The following CELF2 variants were observed in gnomAD, a reference collection of about 807,000 sequenced individuals.
The protein encoded by CELF2 is CUG triplet repeat RNA-binding protein 2.
Under a neutral mutation model 62.6 loss-of-function variants are expected in CELF2, and 8 were observed. That is an observed-to-expected ratio of 0.13 (90% confidence interval 0.07 to 0.23). The LOEUF (loss-of-function observed/expected upper bound fraction) is 0.23, where lower values mean the gene tolerates loss of function less well. Ranked by LOEUF, CELF2 falls within the 10% of genes least tolerant of loss-of-function variation. CELF2 has a pLI of 1.00. For missense variants in CELF2, 333 were observed against 671.0 expected, an observed-to-expected ratio of 0.50 and a Z score of 5.56; for synonymous variants, 258 against 250.0, an observed-to-expected ratio of 1.03 and a Z score of -0.30.
chr10:10,467,082 C>A, the CELF2 span, among the ~76,000 whole-genome samples: 98 of 152,008 alleles, frequency 6.4e-4, no homozygotes, highest in African/African-American at 2.3e-3. Flanking sequence ...ACCAACATAC[C>A]ACAATATACC....
chr10:10,703,878 C>G, the CELF2 span, among the ~76,000 whole-genome samples: 1 of 152,170 alleles, frequency 6.6e-6, no homozygotes, highest in South Asian at 2.1e-4. Context: ...GAACCCTAAT[C>G]AATACAGCAG....
intron 1 of CELF2, among the ~76,000 whole-genome samples, chr10:10,829,976 G>A (rs940421719): frequency 6.6e-6 from 1 of 151,686 alleles, no homozygotes; most frequent in African/African-American, 2.4e-5. Context: ...AACCCCCCTG[G>A]CCAAGTTCTC....
At chr10:11,198,257 C>G (rs1264767183) in intron 2 of CELF2, among the ~76,000 whole-genome samples, 1 of 152,200 alleles carries the variant, frequency 6.6e-6, no homozygotes, top group Non-Finnish European at 1.5e-5. Flanking sequence ...AATAATTATT[C>G]TGCTGTCCTT....
At chr10:10,963,011 TTTG>T (rs2049707054) in intron 2 of CELF2, among the ~76,000 whole-genome samples, 1 of 127,300 alleles carries the variant, frequency 7.9e-6, no homozygotes, top group Admixed American at 7.5e-5. Context: ...TTTGTTTTGT[TTTG>T]TTTTGTTTTG....
chr10:10,911,539 G>A (rs2063809655), intron 1 of CELF2, among the ~76,000 whole-genome samples: 2 of 152,174 alleles, frequency 1.3e-5, no homozygotes, highest in Admixed American at 1.3e-4. Flanking sequence ...AGATGGAAGT[G>A]GCTCGTTCCA....
In CELF2 at chr10:10,938,456, G is replaced by A. The variant is rs138885213; in HGVS notation, c.89+18457G>A. On this transcript the variant is annotated intron_variant, in intron 2 of 13. Transcript: ENST00000636488. This position sits in a 1 kb window ranked among gnomAD's most constrained non-coding sequence, Gnocchi z 4.2. Reference sequence around the variant, plus strand: ...TGGGTTTTTGTGTCCTTCAAATTTCGTTTGAATGAACATTTTATGGATTTT... The same window carrying A: ...TGGGTTTTTGTGTCCTTCAAATTTCATTTGAATGAACATTTTATGGATTTT... Among the ~76,000 whole-genome samples, 571 of 152,252 alleles carry A rather than the reference G, an allele frequency of 3.8e-3. 4 individuals carry two copies. Among genetic ancestry groups the A allele is most frequent in the African/African-American group, 0.013 (538 of 41,550 alleles).
chr10:10,467,289 A>AT, the CELF2 span, among the ~76,000 whole-genome samples: 2 of 151,948 alleles, frequency 1.3e-5, no homozygotes, highest in Non-Finnish European at 2.9e-5. Flanking sequence ...CCAAGGGTCA[A>AT]TTTTTTTGTC....
chr10:10,597,233 G>A, the CELF2 span, among the ~76,000 whole-genome samples: 1 of 152,222 alleles, frequency 6.6e-6, no homozygotes, highest in Admixed American at 6.5e-5. Flanking sequence ...GAGGCCCAAT[G>A]AGTTAGAGAA....
chr10:10,495,047 C>T, the CELF2 span, among the ~76,000 whole-genome samples: 14 of 152,068 alleles, frequency 9.2e-5, no homozygotes, highest in East Asian at 2.1e-3. Context: ...GAGGCCGAGG[C>T]GGGCAGATCA....
At chr10:10,992,436 T>C (rs2053537576) in intron 2 of CELF2, among the ~76,000 whole-genome samples, 1 of 152,194 alleles carries the variant, frequency 6.6e-6, no homozygotes, top group Admixed American at 6.5e-5. Context: ...GCAAGTGGCA[T>C]TATCAAGCCC....
At chr10:10,894,088 AG>A (rs1000509184) in intron 1 of CELF2, among the ~76,000 whole-genome samples, 1 of 152,168 alleles carries the variant, frequency 6.6e-6, no homozygotes, top group Admixed American at 6.5e-5. Context: ...CAACAAAAAA[AG>A]TTTTTAACCT....
chr10:10,916,618 T>A (rs887458683), intron 1 of CELF2, among the ~76,000 whole-genome samples: 1 of 152,206 alleles, frequency 6.6e-6, no homozygotes, highest in Non-Finnish European at 1.5e-5. Context: ...TCTTTTGTTG[T>A]TGTTGTTGTT....
chr10:11,033,604 G>C (rs758338488), intron 1 of CELF2, among the ~76,000 whole-genome samples: 2 of 152,186 alleles, frequency 1.3e-5, no homozygotes. Flanking sequence ...CTGACTAACT[G>C]CCTGGGCTTT....
chr10:10,512,421 T>TG, the CELF2 span, among the ~76,000 whole-genome samples: 1 of 149,438 alleles, frequency 6.7e-6, no homozygotes, highest in Non-Finnish European at 1.5e-5. Flanking sequence ...TTTTTTTTTT[T>TG]TTTGAGACAG....
At chr10:10,475,121 A>G in the CELF2 span, among the ~76,000 whole-genome samples, 1 of 152,152 alleles carries the variant, frequency 6.6e-6, no homozygotes, top group Non-Finnish European at 1.5e-5. Flanking sequence ...TATGTGGAAC[A>G]ATTCCCTACT....
intron 1 of CELF2, among the ~76,000 whole-genome samples, chr10:10,908,262 G>C (rs985170618): frequency 8.7e-6 from 1 of 114,330 alleles, no homozygotes; most frequent in Non-Finnish European, 1.6e-5. Context: ...CTCTGTCGCC[G>C]AGGCTGGAGT....
chr10:10,747,660 C>T, the CELF2 span, among the ~76,000 whole-genome samples: 278 of 152,222 alleles, frequency 1.8e-3, no homozygotes, highest in African/African-American at 6.5e-3. Flanking sequence ...TGGCAGGGGA[C>T]AGCCAGGGAG....
chr10:10,681,904 C>T, the CELF2 span, among the ~76,000 whole-genome samples: 1 of 152,190 alleles, frequency 6.6e-6, no homozygotes, highest in Admixed American at 6.5e-5. Context: ...CATAAAAAAG[C>T]TTACGTGTAG....
rs762001983 is a variant in CELF2 at position 11,325,983 on chromosome 10, T to A, written c.1438+4T>A. ...ACCAATCTGAGCAAGTGCTTTGGTATGCAAAAGAAACTAAGCTAGTATATT... is the reference window on the plus strand; with the variant it reads ...ACCAATCTGAGCAAGTGCTTTGGTAAGCAAAAGAAACTAAGCTAGTATATT... On this transcript the variant is annotated splice_donor_region_variant and intron_variant, in intron 12 of 12. Coordinates refer to ENST00000633077, the MANE Select transcript of CELF2 (RefSeq NM_001326342.2). 2 of 1,609,070 alleles carry A rather than the reference T, an allele frequency of 1.2e-6. No homozygotes were observed. The highest frequency in any genetic ancestry group is 4.5e-5 in the East Asian group (2 of 44,844).
Sources: gnomAD v4.1 joint callset for allele counts (sites outside exome capture counted in the v4.1 genomes callset) on GRCh38, gnomAD v4.1.1 for gene constraint, Gnocchi (gnomAD v3.1) non-coding constraint, MANE v1.5 for transcripts, NCBI Gene and HGNC (gene_info 2026-07-23, HGNC 2026-07-21) for gene names.